Variants in PCSK2 observed in about 807,000 individuals in gnomAD.
The protein encoded by PCSK2 is proprotein convertase subtilisin/kexin type 2.
A neutral mutation model predicts 69.7 loss-of-function variants in PCSK2; 14 were observed. That is an observed-to-expected ratio of 0.20 (90% CI 0.13 to 0.31). The LOEUF is 0.31. Among genes scored for constraint, PCSK2 ranks in the 10% least tolerant of loss-of-function variants. The pLI, the probability that PCSK2 is intolerant of heterozygous loss-of-function variation, is 1.00. For synonymous variants in PCSK2, 307 were observed against 320.7 expected (o/e 0.96, Z 0.46); for missense variants, 544 against 842.5 (o/e 0.65, Z 4.39).
At chr20:17,432,724 G>A (rs952903653) in intron 7 of PCSK2, among the ~76,000 whole-genome samples, 2 of 152,164 alleles carry the variant, frequency 1.3e-5, no homozygotes, top group African/African-American at 2.4e-5. Context: ...TTTGTCAAAT[G>A]TATATTTCTG....
intron 2 of PCSK2, among the ~76,000 whole-genome samples, chr20:17,308,013 G>C (rs1046334906): frequency 7.9e-5 from 12 of 152,272 alleles, no homozygotes; most frequent in Admixed American, 7.2e-4. Flanking sequence ...GCAAAAGAAA[G>C]AGTGAGGGGA....
intron 2 of PCSK2, among the ~76,000 whole-genome samples, chr20:17,347,848 GAAA>G (rs1990700578): frequency 6.4e-5 from 7 of 110,104 alleles, no homozygotes; most frequent in Non-Finnish European, 1.1e-4. Context: ...AAGAAAGAAA[GAAA>G]GAAAGAAAGA....
intron 6 of PCSK2, among the ~76,000 whole-genome samples, chr20:17,420,073 A>G (rs2032088766): frequency 6.6e-6 from 1 of 152,244 alleles, no homozygotes; most frequent in South Asian, 2.1e-4. Flanking sequence ...TTGTGAGCCA[A>G]TGTGATTGAT....
chr20:17,239,841 CTTTTT>C (rs869179656), intron 1 of PCSK2, among the ~76,000 whole-genome samples: 23 of 68,652 alleles, frequency 3.4e-4, no homozygotes, highest in Non-Finnish European at 4.5e-4. Flanking sequence ...GGTGAAAACA[CTTTTT>C]TTTTTTTTTT....
intron 5 of PCSK2, among the ~76,000 whole-genome samples, chr20:17,404,004 A>C (rs1323597691): frequency 6.6e-6 from 1 of 152,208 alleles, no homozygotes; most frequent in Non-Finnish European, 1.5e-5. Context: ...TGGGCAAATT[A>C]GAAAAGATGT....
intron 2 of PCSK2, among the ~76,000 whole-genome samples, chr20:17,344,293 G>T (rs1990587813): frequency 6.6e-6 from 1 of 152,180 alleles, no homozygotes; most frequent in East Asian, 1.9e-4. Context: ...GCTGCCTGGT[G>T]CTGGGGAGGC....
intron 5 of PCSK2, among the ~76,000 whole-genome samples, chr20:17,401,109 A>C (rs553928400): frequency 2.6e-5 from 4 of 152,326 alleles, no homozygotes; most frequent in Non-Finnish European, 5.9e-5. Context: ...AGATTGTGCC[A>C]ACTTCCATAC....
At chr20:17,423,902 A>C (rs1321354733) in intron 6 of PCSK2, among the ~76,000 whole-genome samples, 1 of 152,206 alleles carries the variant, frequency 6.6e-6, no homozygotes, top group East Asian at 1.9e-4. Context: ...ATGAAACAAT[A>C]ACATACCATT....
chr20:17,282,861 G>C (rs1988372498), intron 2 of PCSK2, among the ~76,000 whole-genome samples: 1 of 152,092 alleles, frequency 6.6e-6, no homozygotes, highest in Non-Finnish European at 1.5e-5. Flanking sequence ...GTCTGAGGGA[G>C]GCTTGTAGAT....
intron 8 of PCSK2, among the ~76,000 whole-genome samples, chr20:17,449,526 G>GTGTGTATA (rs1555796488): frequency 7.7e-5 from 10 of 130,690 alleles, no homozygotes; most frequent in African/African-American, 2.4e-4. Flanking sequence ...ATGTATGTAT[G>GTGTGTATA]TATATATATA....
At chr20:17,423,351 T>C (rs981307620) in intron 6 of PCSK2, among the ~76,000 whole-genome samples, 3 of 152,190 alleles carry the variant, frequency 2.0e-5, no homozygotes, top group Non-Finnish European at 4.4e-5. Context: ...CTGGAATCAA[T>C]AGAAAGGTGT....
intron 2 of PCSK2, among the ~76,000 whole-genome samples, chr20:17,285,992 T>A (rs1988499275): frequency 6.6e-6 from 1 of 152,250 alleles, no homozygotes; most frequent in African/African-American, 2.4e-5. Flanking sequence ...TTCAGTTAAA[T>A]TGTATTTTAT....
intron 1 of PCSK2, among the ~76,000 whole-genome samples, chr20:17,253,490 T>G (rs552058819): frequency 9.8e-5 from 15 of 152,368 alleles, no homozygotes; most frequent in Non-Finnish European, 2.1e-4. Flanking sequence ...CTTCTTTAAC[T>G]TAGCATTAAG....
chr20:17,465,843 A>AT (rs2033092208), intron 11 of PCSK2, among the ~76,000 whole-genome samples: 1 of 151,724 alleles, frequency 6.6e-6, no homozygotes, highest in African/African-American at 2.4e-5. Context: ...AATTTTTTTT[A>AT]TTTTTTGTAG....
chr20:17,436,923 T>A, intron 8 of PCSK2, 40 bp downstream of exon 8: 1 of 1,536,960 alleles, frequency 6.5e-7, no homozygotes. Context: ...CACTCACAAG[T>A]TGGGACAAAG....
intron 2 of PCSK2, among the ~76,000 whole-genome samples, chr20:17,299,778 T>G (rs1281483977): frequency 2.0e-5 from 3 of 152,224 alleles, no homozygotes; most frequent in Non-Finnish European, 2.9e-5. Context: ...GTAGTAATCC[T>G]ATTTCTGTTC....
chr20:17,391,906 G>GAGGAAGGGAGGAAGGAAGGAAGGA (rs2031384631), intron 5 of PCSK2, among the ~76,000 whole-genome samples: 1 of 99,966 alleles, frequency 1.0e-5, no homozygotes, highest in Non-Finnish European at 2.0e-5. Flanking sequence ...GAAAGAGAGA[G>GAGGAAGGGAGGAAGGAAGGAAGGA]AGGAAGGAAG....
At chr20:17,457,722 C>A (rs959724798) in intron 10 of PCSK2, among the ~76,000 whole-genome samples, 1 of 152,186 alleles carries the variant, frequency 6.6e-6, no homozygotes, top group African/African-American at 2.4e-5. Flanking sequence ...CCTGAGCTGG[C>A]CTTGCTCACT....
At chr20:17,320,303 T>C (rs1165386785) in intron 2 of PCSK2, among the ~76,000 whole-genome samples, 1 of 152,172 alleles carries the variant, frequency 6.6e-6, no homozygotes, top group Admixed American at 6.5e-5. Flanking sequence ...GAATTCCTCC[T>C]CCTACAGTGC....
Sources: allele counts gnomAD v4.1 joint callset (sites outside exome capture counted in the v4.1 genomes callset), GRCh38; gene constraint gnomAD v4.1.1; transcripts MANE v1.5; gene names NCBI Gene and HGNC (gene_info 2026-07-23, HGNC 2026-07-21).